Variants in SYT1 observed in about 807,000 individuals in gnomAD.
SYT1 encodes synaptotagmin-1.
SYT1 carries 8 observed loss-of-function variants against 44.8 expected under a neutral mutation model. That is an observed-to-expected ratio of 0.18 (90% CI 0.10 to 0.32). SYT1 has a LOEUF of 0.32. SYT1 is among the 10% of genes least tolerant of loss of function. SYT1 has a pLI of 1.00. For synonymous variants in SYT1, 154 were observed against 188.8 expected (o/e 0.82, Z 1.51); for missense variants, 286 against 509.3 (o/e 0.56, Z 4.22).
intron 3 of SYT1, among the ~76,000 whole-genome samples, chr12:79,172,289 A>G (rs1214526322): frequency 6.6e-6 from 1 of 151,950 alleles, no homozygotes; most frequent in African/African-American, 2.4e-5. Context: ...GTATACTGAG[A>G]CTTCATTTTA....
At chr12:79,137,967 T>C (rs1237551701) in intron 3 of SYT1, among the ~76,000 whole-genome samples, 1 of 152,214 alleles carries the variant, frequency 6.6e-6, no homozygotes, top group Non-Finnish European at 1.5e-5. Context: ...CATAAAAATA[T>C]GATAATAGAT....
chr12:78,974,938 C>T (rs1868708141), intron 1 of SYT1, among the ~76,000 whole-genome samples: 1 of 152,154 alleles, frequency 6.6e-6, no homozygotes, highest in African/African-American at 2.4e-5. Flanking sequence ...CACAAACTCA[C>T]CCATGCCCGC....
chr12:78,999,467 C>G (rs1870592162), intron 2 of SYT1, among the ~76,000 whole-genome samples: 1 of 152,162 alleles, frequency 6.6e-6, no homozygotes, highest in Admixed American at 6.5e-5. Flanking sequence ...CGGTTTCTGA[C>G]AGCCCTTCTA....
intron 9 of SYT1, among the ~76,000 whole-genome samples, chr12:79,390,470 T>TA (rs1593025472): frequency 2.0e-5 from 3 of 152,116 alleles, no homozygotes; most frequent in Admixed American, 2.0e-4. Context: ...TTTAAAAGGA[T>TA]AAGAAAAGCA....
At chr12:79,071,802 T>C (rs1876297578) in intron 3 of SYT1, among the ~76,000 whole-genome samples, 1 of 152,158 alleles carries the variant, frequency 6.6e-6, no homozygotes, top group South Asian at 2.1e-4. Flanking sequence ...ACCAGTTATG[T>C]TGGACTTAAG....
intron 3 of SYT1, among the ~76,000 whole-genome samples, chr12:79,159,744 T>A (rs1352111193): frequency 1.3e-5 from 2 of 152,106 alleles, no homozygotes; most frequent in African/African-American, 4.8e-5. Flanking sequence ...GCATGTTTCA[T>A]CAAATCTAAG....
chr12:79,275,176 G>T (rs762336783), intron 4 of SYT1, among the ~76,000 whole-genome samples: 6 of 152,126 alleles, frequency 3.9e-5, no homozygotes, highest in South Asian at 2.1e-4. Flanking sequence ...CTTTCTGCTT[G>T]TGGGCAAAGA....
chr12:79,252,899 C>G (rs1296179160), intron 4 of SYT1, among the ~76,000 whole-genome samples: 3 of 152,166 alleles, frequency 2.0e-5, no homozygotes, highest in East Asian at 3.8e-4. Context: ...GCCAGTAATT[C>G]TGAGCCTTCT....
chr12:79,286,954 T>A (rs1879343202), intron 5 of SYT1, among the ~76,000 whole-genome samples: 1 of 152,182 alleles, frequency 6.6e-6, no homozygotes, highest in South Asian at 2.1e-4. Context: ...TATAAATTCC[T>A]CTTATACTAT....
chr12:78,972,591 G>T lies in SYT1; in HGVS notation c.-216-5208G>T, dbSNP rs1165423817. 2.6e-5 allele frequency among the ~76,000 whole-genome samples: 4 copies of T among 151,370 alleles called. No individual in the cohort carries two copies. In the East Asian group the frequency reaches 7.7e-4, roughly 29 times the overall value. On this transcript the variant is annotated intron_variant, in intron 1 of 10. Transcript: ENST00000261205. ...ATTTCTCTAAATTATTTAAGTTGGT[G>T]TATTAAACCAATTTATATCTAATCC...
intron 8 of SYT1, among the ~76,000 whole-genome samples, chr12:79,336,212 AAC>A (rs981055389): frequency 2.6e-5 from 4 of 152,140 alleles, no homozygotes; most frequent in African/African-American, 9.7e-5. Flanking sequence ...TTCCCAATTG[AAC>A]TGATAATTAG....
chr12:79,151,851 G>A (rs1159755489), intron 3 of SYT1, among the ~76,000 whole-genome samples: 1 of 152,118 alleles, frequency 6.6e-6, no homozygotes, highest in Non-Finnish European at 1.5e-5. Flanking sequence ...GACGAGAGAA[G>A]GGAGAAAATG....
chr12:79,025,990 G>T (rs1872507332), intron 2 of SYT1, among the ~76,000 whole-genome samples: 1 of 151,570 alleles, frequency 6.6e-6, no homozygotes, highest in East Asian at 1.9e-4. Context: ...ACTGAAAATA[G>T]ATATTTAAAA....
chr12:79,392,669 G>A (rs550090167), intron 9 of SYT1: 1 of 151,780 alleles, frequency 6.6e-6, no homozygotes, highest in African/African-American at 2.4e-5. Context: ...TACTAGTTCA[G>A]TCAGTTTAAT....
chr12:78,946,837 C>T (rs1008457999), intron 1 of SYT1, among the ~76,000 whole-genome samples: 1 of 152,108 alleles, frequency 6.6e-6, no homozygotes, highest in African/African-American at 2.4e-5. Context: ...TGATGATACA[C>T]GTACTCACCA....
intron 3 of SYT1, among the ~76,000 whole-genome samples, chr12:79,093,280 C>A (rs746592929): frequency 6.6e-6 from 1 of 151,628 alleles, no homozygotes; most frequent in Non-Finnish European, 1.5e-5. Flanking sequence ...AGGTTCGAAG[C>A]ATTCGATCAA....
chr12:79,280,850 A>AT (rs752763787), intron 4 of SYT1, among the ~76,000 whole-genome samples: 13 of 152,050 alleles, frequency 8.5e-5, no homozygotes, highest in Non-Finnish European at 1.5e-4. Flanking sequence ...GTGAAGAGAG[A>AT]TTTTTCAAAA....
intron 5 of SYT1, 164 bp from the exon 6 acceptor site, chr12:79,291,844 T>G: frequency 3.3e-6 from 3 of 921,738 alleles, no homozygotes; most frequent in Non-Finnish European, 3.5e-6. Context: ...CAAAAGGAAT[T>G]TAAAAAATAT....
chr12:79,381,192 C>CA (rs1246709021), intron 9 of SYT1, among the ~76,000 whole-genome samples: 1 of 152,182 alleles, frequency 6.6e-6, no homozygotes, highest in Admixed American at 6.5e-5. Context: ...TTCCCTGATT[C>CA]CTACTTTAAA....
Sources: allele counts gnomAD v4.1 joint callset (sites outside exome capture counted in the v4.1 genomes callset), GRCh38; gene constraint gnomAD v4.1.1; transcripts MANE v1.5; gene names NCBI Gene and HGNC (gene_info 2026-07-23, HGNC 2026-07-21).